The following SLX9 variants were observed in gnomAD, a reference collection of about 807,000 sequenced individuals.
SLX9 encodes the protein ribosome biogenesis protein SLX9 homolog.
A neutral mutation model predicts 20.8 loss-of-function variants in SLX9; 19 were observed. The ratio of observed to expected loss-of-function variants is 0.91; its 90% confidence interval spans 0.64 to 1.34. SLX9 has a LOEUF of 1.34. Among genes scored for constraint, SLX9 ranks in the 40% most tolerant of loss-of-function variants. The probability of loss-of-function intolerance (pLI) is 0.00; values close to 1 mark genes in which losing one functional copy is unlikely to be tolerated. For missense variants in SLX9, 299 were observed against 322.2 expected, an observed-to-expected ratio of 0.93 and a Z score of 0.55; for synonymous variants, 113 against 137.1, an observed-to-expected ratio of 0.82 and a Z score of 1.23.
At chr21:44,976,551 C>A in intron 5 of SLX9, 129 bp from the exon 6 acceptor site, 2 of 1,395,578 alleles carry the variant, frequency 1.4e-6, no homozygotes, top group Non-Finnish European at 1.9e-6. Context: ...GTTTCCGAGG[C>A]CCCAGTACTC....
intron 3 of SLX9, 136 bp from the exon 4 acceptor site, chr21:44,966,898 G>A (rs1338563243): frequency 7.9e-6 from 9 of 1,134,760 alleles, no homozygotes; most frequent in Admixed American, 4.5e-5. Flanking sequence ...TCCCAGGGGC[G>A]GAATGGGGGT....
intron 3 of SLX9, among the ~76,000 whole-genome samples, chr21:44,965,247 G>C (rs1166710745): frequency 6.6e-6 from 1 of 152,182 alleles, no homozygotes; most frequent in Non-Finnish European, 1.5e-5. Flanking sequence ...CTCTCCCGTT[G>C]GTTCTCCTGG....
intron 1 of SLX9, among the ~76,000 whole-genome samples, chr21:44,943,116 C>T (rs1006412837): frequency 1.3e-5 from 2 of 152,110 alleles, no homozygotes; most frequent in African/African-American, 2.4e-5. Context: ...GGCTGGGCAG[C>T]ACGGGGGTCA....
chr21:44,945,511 A>G (rs1172007580), intron 2 of SLX9, among the ~76,000 whole-genome samples: 1 of 152,022 alleles, frequency 6.6e-6, no homozygotes, highest in Non-Finnish European at 1.5e-5. Context: ...CCCCAAGGTC[A>G]CCTGCTGCAC....
rs984515172 is a variant in SLX9, at chr21:44,960,269, C to G, written c.352+101C>G. 6.0e-6 allele frequency: 7 copies of G among 1,158,742 alleles called. No homozygotes were observed. The African/African-American group carries it at 1.1e-4, about 18-fold the overall frequency. 71.8% of individuals were successfully genotyped at this position (1,158,742 alleles called of 1,614,324 possible). On this transcript the variant is annotated intron_variant, in intron 3 of 5. Coordinates refer to ENST00000291634, the MANE Select transcript of SLX9 (RefSeq NM_058190.4). ...CACATCTGGCCTTCTACATCAGCCA[C>G]ACTCCCCGAGGAGTGCCCAAGGGGA...
chr21:44,948,496 G>A (rs748829247), intron 2 of SLX9, among the ~76,000 whole-genome samples: 1 of 152,160 alleles, frequency 6.6e-6, no homozygotes, highest in Non-Finnish European at 1.5e-5. Flanking sequence ...ACCAGAAAAC[G>A]AGCCCACCTG....
rs978039957 is a variant in SLX9, at chr21:44,943,667, T to G, written c.130-17T>G. On this transcript the variant is annotated splice_polypyrimidine_tract_variant and intron_variant, in intron 1 of 5. Transcript: ENST00000291634. The stretch of plus-strand genomic sequence containing the variant: ...CTCACACCTCTTCTTTTCGTCCGTT[T>G]TTGTTGGGGACATTAGGACTGGGCG... 6 of 1,611,872 alleles carry G rather than the reference T, an allele frequency of 3.7e-6. No individual in the cohort carries two copies. The African/African-American group carries it at 8.0e-5, about 22-fold the overall frequency.
At chr21:44,959,475 C>T (rs1054058894) in intron 2 of SLX9, among the ~76,000 whole-genome samples, 3 of 152,196 alleles carry the variant, frequency 2.0e-5, no homozygotes, top group Admixed American at 2.0e-4. Flanking sequence ...CCCCTGTCCC[C>T]CCAGCAAATG....
chr21:44,955,244 CAGAG>C (rs1426445522), intron 2 of SLX9, among the ~76,000 whole-genome samples: 2 of 146,452 alleles, frequency 1.4e-5, no homozygotes, highest in Non-Finnish European at 3.0e-5. Context: ...GCTTGGAAAA[CAGAG>C]AGAGACAGGG....
chr21:44,957,900 C>G (rs890468046), intron 2 of SLX9, among the ~76,000 whole-genome samples: 11 of 152,218 alleles, frequency 7.2e-5, no homozygotes, highest in Admixed American at 5.2e-4. Context: ...TGTGAGCCGC[C>G]CGTGCAGCAG....
intron 3 of SLX9, among the ~76,000 whole-genome samples, chr21:44,966,580 C>G (rs2085039554): frequency 6.6e-6 from 1 of 152,208 alleles, no homozygotes; most frequent in Admixed American, 6.5e-5. Context: ...CCCAAGCCCT[C>G]AGGTCTGTCC....
chr21:44,947,399 TG>T (rs1311368088), intron 2 of SLX9, among the ~76,000 whole-genome samples: 1 of 152,192 alleles, frequency 6.6e-6, no homozygotes. Flanking sequence ...GCCAAGGAGC[TG>T]GGTGGCCCAG....
chr21:44,949,883 G>A (rs534553713), intron 2 of SLX9, among the ~76,000 whole-genome samples: 26 of 152,290 alleles, frequency 1.7e-4, no homozygotes, highest in Non-Finnish European at 3.4e-4. Context: ...GACCTGCGGT[G>A]GAGGGCGCGA....
chr21:44,976,593 C>T, intron 5 of SLX9, 87 bp from the exon 6 acceptor site: 3 of 1,515,844 alleles, frequency 2.0e-6, no homozygotes, highest in Non-Finnish European at 2.7e-6. Context: ...CTCTGCCATT[C>T]ATTTCGGTGT....
At chr21:44,973,943 G>A (rs2085212113) in intron 5 of SLX9, among the ~76,000 whole-genome samples, 1 of 152,118 alleles carries the variant, frequency 6.6e-6, no homozygotes, top group South Asian at 2.1e-4. Flanking sequence ...CCCCATCTCC[G>A]CCCCTCCCCT....
At chr21:44,973,077 GT>G (rs1475585170) in intron 4 of SLX9, 119 bp from the exon 5 acceptor site, 7 of 808,764 alleles carry the variant, frequency 8.7e-6, no homozygotes, top group Admixed American at 5.9e-5. Context: ...TTCTGCAGTG[GT>G]TTGGTCACCT....
chr21:44,947,003 C>G (rs1452383310), intron 2 of SLX9, among the ~76,000 whole-genome samples: 2 of 152,232 alleles, frequency 1.3e-5, no homozygotes, highest in African/African-American at 4.8e-5. Context: ...CTGGGGGCCC[C>G]AGCCCCTTTT....
At chr21:44,940,856 T>G (rs954577942) in intron 1 of SLX9, among the ~76,000 whole-genome samples, 3 of 152,214 alleles carry the variant, frequency 2.0e-5, no homozygotes, top group Non-Finnish European at 4.4e-5. Context: ...CTGTCACTCC[T>G]CTCTTTCGGA....
At chr21:44,967,711 G>A (rs78535338) in intron 4 of SLX9, among the ~76,000 whole-genome samples, 2,261 of 152,262 alleles carry the variant, frequency 0.015, 69 homozygotes, top group African/African-American at 0.051. Context: ...CCGTGAGGAC[G>A]GCTCAGGCCT....
Sources: gnomAD v4.1 joint callset for allele counts (sites outside exome capture counted in the v4.1 genomes callset) on GRCh38, gnomAD v4.1.1 for gene constraint, MANE v1.5 for transcripts, NCBI Gene and HGNC (gene_info 2026-07-23, HGNC 2026-07-21) for gene names.